The following RB1 variants were observed in gnomAD, a reference collection of about 807,000 sequenced individuals.
RB1 encodes RB transcriptional corepressor 1.
RB1 carries 18 observed loss-of-function variants against 135.4 expected under a neutral mutation model. The observed-to-expected ratio is 0.13, with a 90% CI of 0.09 to 0.20. The LOEUF is 0.20. RB1 is among the 10% of genes least tolerant of loss of function. The pLI is 1.00. For synonymous variants in RB1, 365 were observed against 373.2 expected, an observed-to-expected ratio of 0.98 and a Z score of 0.25; for missense variants, 868 against 1,110.0, an observed-to-expected ratio of 0.78 and a Z score of 3.10.
intron 21 of RB1, 53 bp downstream of exon 21, chr13:48,463,888 A>G (rs1289902438): frequency 3.8e-6 from 4 of 1,047,964 alleles, no homozygotes; most frequent in South Asian, 1.3e-5. Context: ...CCATAACATA[A>G]CATAGGTAAT....
At chr13:48,454,937 T>A (rs1303420158) in intron 18 of RB1, among the ~76,000 whole-genome samples, 1 of 150,900 alleles carries the variant, frequency 6.6e-6, no homozygotes, top group African/African-American at 2.4e-5. Flanking sequence ...CTGGGGTAGA[T>A]CTTGTAGAGA....
At chr13:48,432,438 T>G (rs573044490) in intron 17 of RB1, among the ~76,000 whole-genome samples, 14 of 152,036 alleles carry the variant, frequency 9.2e-5, no homozygotes, top group East Asian at 3.9e-4. Flanking sequence ...TTTTTTTTTT[T>G]GGGCTACTTG....
Position 48,328,537 on chromosome 13 carries a change from T to C in RB1, c.265-14062T>C, listed in dbSNP as rs1593426859. 3 of 743,898 alleles carry C rather than the reference T, an allele frequency of 4.0e-6. No homozygotes were observed. The Admixed American group carries it at 5.6e-5, about 14-fold the overall frequency. The allele number at this position is 743,898 out of a possible 1,614,324, so 46.1% of individuals were successfully genotyped here. On this transcript the variant is annotated intron_variant, in intron 2 of 26. Coordinates refer to ENST00000267163, the MANE Select transcript of RB1 (RefSeq NM_000321.3). Reference sequence around the variant, plus strand: ...AGCTCATTGCGACTTTTCCGGCTTCTCCTCTCCCGCCTTCCCATCAGCCAT... The same window carrying C: ...AGCTCATTGCGACTTTTCCGGCTTCCCCTCTCCCGCCTTCCCATCAGCCAT...
intron 9 of RB1, among the ~76,000 whole-genome samples, chr13:48,365,173 C>A (rs1169176428): frequency 6.6e-6 from 1 of 152,028 alleles, no homozygotes; most frequent in African/African-American, 2.4e-5. Flanking sequence ...GTATTAGCAT[C>A]ATTTTGTGAT....
chr13:48,351,998 T>A (rs1952553089), intron 6 of RB1, among the ~76,000 whole-genome samples: 2 of 152,044 alleles, frequency 1.3e-5, no homozygotes, highest in Non-Finnish European at 2.9e-5. Context: ...CCATCTTGAG[T>A]TGATTTTTGT....
At chr13:48,384,336 G>A (rs912187390) in intron 17 of RB1, among the ~76,000 whole-genome samples, 1 of 152,112 alleles carries the variant, frequency 6.6e-6, no homozygotes, top group Non-Finnish European at 1.5e-5. Context: ...ATAACTTTGT[G>A]AAGATAAGTT....
chr13:48,326,271 A>T (rs1458790630), intron 2 of RB1, among the ~76,000 whole-genome samples: 1 of 152,062 alleles, frequency 6.6e-6, no homozygotes, highest in Non-Finnish European at 1.5e-5. Flanking sequence ...AAAATGCCTA[A>T]TTTCTTTTTT....
chr13:48,411,954 G>A (rs1284768305), intron 17 of RB1: 2 of 1,612,082 alleles, frequency 1.2e-6, no homozygotes, highest in Non-Finnish European at 1.7e-6. Context: ...CTGAGAGTGG[G>A]TAGACTGAAC....
intron 20 of RB1, 71 bp downstream of exon 20, chr13:48,459,904 T>TTC (rs1566235659): frequency 5.6e-5 from 26 of 462,826 alleles, no homozygotes; most frequent in Middle Eastern, 8.0e-4. Context: ...TTTCTTTCTT[T>TTC]CTTTCTTTCT....
chr13:48,367,119 A>C (rs1164506844), intron 9 of RB1, among the ~76,000 whole-genome samples: 44 of 5,376 alleles, frequency 8.2e-3, no homozygotes, highest in Middle Eastern at 0.25. Flanking sequence ...ACTCCATCTC[A>C]AAAAAAAAAA....
intron 2 of RB1, among the ~76,000 whole-genome samples, chr13:48,331,338 A>G (rs1029437320): frequency 1.3e-5 from 2 of 152,244 alleles, no homozygotes; most frequent in African/African-American, 4.8e-5. Context: ...TTCCCCCTCT[A>G]AAACTCATGT....
At chr13:48,304,322 G>T (rs1952058846) in intron 1 of RB1, among the ~76,000 whole-genome samples, 1 of 152,206 alleles carries the variant, frequency 6.6e-6, no homozygotes, top group Admixed American at 6.5e-5. Context: ...GTTCCCTCTT[G>T]TGAGGCTCGG....
intron 9 of RB1, among the ~76,000 whole-genome samples, chr13:48,366,918 A>G (rs1165381980): frequency 6.6e-6 from 1 of 152,164 alleles, no homozygotes; most frequent in East Asian, 1.9e-4. Context: ...CAGGAGTTCA[A>G]GACCAGCTTG....
At chr13:48,439,517 A>G (rs1196002972) in intron 17 of RB1, 2 of 152,208 alleles carry the variant, frequency 1.3e-5, no homozygotes, top group East Asian at 3.8e-4. Context: ...CAGTCCACAC[A>G]ACATTTTTGC....
rs902298592 is a variant in RB1 at position 48,476,697 on chromosome 13, G to T, written c.2521-4G>T. The stretch of plus-strand genomic sequence containing the variant: ...TTTAAAGTAAAGAATTCTGTAATTT[G>T]TAGACTTCTGAGAAGTTCCAGAAAA... On this transcript the variant is annotated splice_region_variant and splice_polypyrimidine_tract_variant and intron_variant, in intron 24 of 26. Coordinates refer to ENST00000267163, the MANE Select transcript of RB1 (RefSeq NM_000321.3). The T allele has an allele frequency of 1.2e-6, 2 of 1,611,176 alleles. No homozygotes were observed. Among genetic ancestry groups the T allele is most frequent in the Admixed American group, 1.7e-5 (1 of 59,918 alleles).
intron 18 of RB1, among the ~76,000 whole-genome samples, chr13:48,454,825 C>T (rs908354074): frequency 3.9e-5 from 6 of 152,164 alleles, no homozygotes; most frequent in Admixed American, 1.3e-4. Context: ...GGCTGTAGGG[C>T]AGATCAAACT....
Position 48,480,472 on chromosome 13 carries a change from TA to T in RB1, c.*402del, listed in dbSNP as rs762279268. 6.3e-5 allele frequency: 15 copies of T among 236,436 alleles called. No individual in the cohort carries two copies. The highest frequency in any genetic ancestry group is 1.1e-4 in the Admixed American group (2 of 18,578). 14.6% of individuals were successfully genotyped at this position (236,436 alleles called of 1,614,324 possible). ...TCTTGTTTTTATTAATTTATATGTA[TA>T]TTTTTTTAATTTAACATGAACACCC... is the stretch of plus-strand genomic sequence containing the variant. On this transcript the variant is annotated 3_prime_UTR_variant, in exon 27 of 27. Transcript: ENST00000267163.
rs61503219 is a variant in RB1, at chr13:48,346,370, A to ATGTGTGTG, written c.500+1208_500+1215dup. The stretch of plus-strand genomic sequence containing the variant: ...TCACATTGAGTAGAATATTATATAT[A>ATGTGTGTG]TGTGTGTGTGTGTGTGTGTGTGTGT... On this transcript the variant is annotated intron_variant, in intron 4 of 26. Transcript: ENST00000267163. 7.6e-5 allele frequency among the ~76,000 whole-genome samples: 10 copies of ATGTGTGTG among 131,132 alleles called. 1 individual carries two copies. Among genetic ancestry groups the ATGTGTGTG allele is most frequent in the East Asian group, 2.3e-4 (1 of 4,420 alleles). The allele number at this position is 131,132 out of a possible 152,430, so 86.0% of individuals were successfully genotyped here. A position where few individuals can be genotyped will look rare whatever the true frequency, so the allele number is the denominator to read the frequency against.
At chr13:48,313,122 G>T (rs1294660040) in intron 2 of RB1, among the ~76,000 whole-genome samples, 2 of 151,962 alleles carry the variant, frequency 1.3e-5, no homozygotes, top group Admixed American at 1.3e-4. Context: ...TCTTCCATAT[G>T]AATATCTTCC....
Sources: allele counts gnomAD v4.1 joint callset (sites outside exome capture counted in the v4.1 genomes callset), GRCh38; gene constraint gnomAD v4.1.1; transcripts MANE v1.5; gene names NCBI Gene and HGNC (gene_info 2026-07-23, HGNC 2026-07-21).